The following SLC25A21 variants were observed in gnomAD, a reference collection of about 807,000 sequenced individuals.
SLC25A21 encodes solute carrier family 25 member 21, also known as mitochondrial 2-oxodicarboxylate carrier.
A neutral mutation model predicts 43.8 loss-of-function variants in SLC25A21; 47 were observed. The ratio of observed to expected loss-of-function variants is 1.07; its 90% CI spans 0.85 to 1.37. SLC25A21 has a LOEUF of 1.37. Ranked by LOEUF, SLC25A21 falls within the 40% of genes most tolerant of loss-of-function variation. The pLI, the probability that SLC25A21 is intolerant of heterozygous loss-of-function variation, is 0.00. For synonymous variants in SLC25A21, 131 were observed against 121.3 expected, an observed-to-expected ratio of 1.08 and a Z score of -0.52; for missense variants, 352 against 350.2, an observed-to-expected ratio of 1.00 and a Z score of -0.04.
chr14:36,896,924 G>A (rs1891256974), intron 1 of SLC25A21, among the ~76,000 whole-genome samples: 1 of 152,180 alleles, frequency 6.6e-6, no homozygotes, highest in Admixed American at 6.5e-5. Context: ...AGTCTGATGG[G>A]CTTCCCTTTG....
At chr14:36,970,204 T>C (rs1454205649) in intron 1 of SLC25A21, among the ~76,000 whole-genome samples, 2 of 152,192 alleles carry the variant, frequency 1.3e-5, no homozygotes, top group East Asian at 3.9e-4. Context: ...ATAATGATTA[T>C]CTGTGACCAT....
At chr14:36,950,382 A>G (rs1370834128) in intron 1 of SLC25A21, among the ~76,000 whole-genome samples, 1 of 152,138 alleles carries the variant, frequency 6.6e-6, no homozygotes, top group Non-Finnish European at 1.5e-5. Context: ...CCTTCATCCA[A>G]TAGGACTAAT....
At chr14:36,939,066 A>C (rs1892494322) in intron 1 of SLC25A21, among the ~76,000 whole-genome samples, 1 of 152,160 alleles carries the variant, frequency 6.6e-6, no homozygotes, top group Non-Finnish European at 1.5e-5. Context: ...TAATTAATGA[A>C]GTCTTCTCAA....
intron 2 of SLC25A21, among the ~76,000 whole-genome samples, chr14:36,840,294 G>A (rs1889345961): frequency 6.6e-6 from 1 of 152,052 alleles, no homozygotes; most frequent in African/African-American, 2.4e-5. Flanking sequence ...AGCCTTCAGT[G>A]TGAGTAGAGG....
intron 3 of SLC25A21, among the ~76,000 whole-genome samples, chr14:36,782,209 T>C (rs2138380603): frequency 6.6e-6 from 1 of 152,350 alleles, no homozygotes; most frequent in South Asian, 2.1e-4. Context: ...GCTGGTAAAG[T>C]CCTCTTTGGG....
chr14:36,958,296 T>C (rs1959394893), intron 1 of SLC25A21, among the ~76,000 whole-genome samples: 2 of 152,174 alleles, frequency 1.3e-5, no homozygotes, highest in Non-Finnish European at 2.9e-5. Flanking sequence ...CACAGAAACA[T>C]GGACAACTAC....
chr14:36,867,344 A>G (rs1336352080), intron 2 of SLC25A21, among the ~76,000 whole-genome samples: 1 of 152,100 alleles, frequency 6.6e-6, no homozygotes, highest in East Asian at 1.9e-4. Flanking sequence ...CCTATTATTC[A>G]CTTTATAGAC....
intron 1 of SLC25A21, among the ~76,000 whole-genome samples, chr14:37,015,936 A>T (rs1316894198): frequency 6.6e-6 from 1 of 151,498 alleles, no homozygotes; most frequent in Non-Finnish European, 1.5e-5. Context: ...TAGATTCTGG[A>T]TATTAGCCCT....
chr14:37,004,769 G>A (rs1239783105), intron 1 of SLC25A21, among the ~76,000 whole-genome samples: 1 of 151,402 alleles, frequency 6.6e-6, no homozygotes, highest in East Asian at 2.0e-4. Flanking sequence ...AGCACCTGCT[G>A]TGGAGAAACT....
chr14:36,980,675 T>C (rs2180599), intron 1 of SLC25A21, among the ~76,000 whole-genome samples: 64,093 of 152,084 alleles, frequency 0.42, 16,488 homozygotes, highest in African/African-American at 0.74. Flanking sequence ...ACTCATTCTC[T>C]GTCCAGCTTT....
chr14:36,991,090 C>T (rs868037641), intron 1 of SLC25A21, among the ~76,000 whole-genome samples: 8 of 152,130 alleles, frequency 5.3e-5, no homozygotes, highest in Admixed American at 6.6e-5. Context: ...ATGTTAAAGT[C>T]CTGATAATGT....
At chr14:36,907,787 T>C (rs1003357057) in intron 1 of SLC25A21, among the ~76,000 whole-genome samples, 2 of 152,154 alleles carry the variant, frequency 1.3e-5, no homozygotes, top group African/African-American at 4.8e-5. Flanking sequence ...GGGTAAGTTA[T>C]TTCTAAAAAA....
intron 1 of SLC25A21, among the ~76,000 whole-genome samples, chr14:36,876,712 G>A (rs188132001): frequency 1.1e-3 from 171 of 152,040 alleles, no homozygotes; most frequent in African/African-American, 4.0e-3. Flanking sequence ...ATTTACCCAT[G>A]ATGATACCAG....
chr14:37,137,185 G>C (rs1191120649), intron 1 of SLC25A21, among the ~76,000 whole-genome samples: 1 of 152,006 alleles, frequency 6.6e-6, no homozygotes, highest in African/African-American at 2.4e-5. Flanking sequence ...TTTTAGTAGA[G>C]ACGGGGTTTC....
At chr14:36,877,902 C>CT (rs886245213) in intron 1 of SLC25A21, among the ~76,000 whole-genome samples, 3 of 152,032 alleles carry the variant, frequency 2.0e-5, no homozygotes, top group Non-Finnish European at 4.4e-5. Context: ...GAAGGATTTT[C>CT]TTTTTTTAAT....
At position 36,788,458 on chromosome 14, in the gene SLC25A21, G is replaced by C. The variant is rs1350440646; in HGVS notation, c.203+25460C>G. 2.7e-5 allele frequency among the ~76,000 whole-genome samples: 4 copies of C among 150,674 alleles called. No individual in the cohort carries two copies. The East Asian group carries it at 7.8e-4, about 29-fold the overall frequency. On this transcript the variant is annotated intron_variant, in intron 3 of 9. Transcript: ENST00000331299. ...GGCGATCATGAAAGGCTGAGCCACC[G>C]AGGCAGGCGGCTGGGTACGCCATTT...
At chr14:37,023,484 C>A (rs1346155801) in intron 1 of SLC25A21, among the ~76,000 whole-genome samples, 1 of 151,912 alleles carries the variant, frequency 6.6e-6, no homozygotes, top group African/African-American at 2.4e-5. Flanking sequence ...GGGTTCATAG[C>A]TACTTCTGTT....
intron 3 of SLC25A21, among the ~76,000 whole-genome samples, chr14:36,779,478 T>C (rs935985991): frequency 2.9e-5 from 4 of 136,818 alleles, no homozygotes; most frequent in East Asian, 2.2e-4. Context: ...TATATACACA[T>C]ATATATAATA....
intron 1 of SLC25A21, among the ~76,000 whole-genome samples, chr14:37,107,174 T>C (rs1962930596): frequency 6.6e-6 from 1 of 152,110 alleles, no homozygotes; most frequent in South Asian, 2.1e-4. Context: ...ATCTGTGATC[T>C]CTTGCATAGC....
Sources: allele counts gnomAD v4.1 joint callset (sites outside exome capture counted in the v4.1 genomes callset), GRCh38; gene constraint gnomAD v4.1.1; transcripts MANE v1.5; gene names NCBI Gene and HGNC (gene_info 2026-07-23, HGNC 2026-07-21).